Variants in ADAMTS17 observed in about 807,000 individuals in gnomAD.
ADAMTS17 encodes A disintegrin and metalloproteinase with thrombospondin motifs 17.
Under a neutral mutation model 141.5 loss-of-function variants are expected in ADAMTS17, and 113 were observed. The observed-to-expected ratio is 0.80, with a 90% CI of 0.69 to 0.93. The LOEUF is 0.93. Among genes scored for constraint, ADAMTS17 ranks in the 40% least tolerant of loss-of-function variants. ADAMTS17 has a pLI of 0.00. For synonymous variants in ADAMTS17, 768 were observed against 630.6 expected (o/e 1.22, Z -3.27); for missense variants, 1,659 against 1,517.9 (o/e 1.09, Z -1.54).
At chr15:100,187,956 C>A (rs117935677) in intron 8 of ADAMTS17, among the ~76,000 whole-genome samples, 1 of 152,138 alleles carries the variant, frequency 6.6e-6, no homozygotes, top group African/African-American at 2.4e-5. Context: ...GGATGGTGTG[C>A]GACTGTAGTC....
intron 18 of ADAMTS17, among the ~76,000 whole-genome samples, chr15:100,032,198 G>A (rs1270770696): frequency 1.3e-5 from 2 of 151,986 alleles, no homozygotes; most frequent in East Asian, 1.9e-4. Flanking sequence ...CTGGTTACTT[G>A]GGGTCTGACT....
chr15:100,066,249 A>C (rs1302219134), intron 15 of ADAMTS17, among the ~76,000 whole-genome samples: 1 of 152,116 alleles, frequency 6.6e-6, no homozygotes, highest in Admixed American at 6.5e-5. Context: ...AAGAGGTATT[A>C]AAGTTAATAA....
At chr15:100,058,722 G>A (rs2032861264) in intron 15 of ADAMTS17, among the ~76,000 whole-genome samples, 1 of 152,216 alleles carries the variant, frequency 6.6e-6, no homozygotes, top group Admixed American at 6.5e-5. Flanking sequence ...GGGCCCTGGA[G>A]CCTGCCATCC....
At position 100,083,591 on chromosome 15, in the gene ADAMTS17, A is replaced by C. The variant is rs371908760; in HGVS notation, c.2137+12765T>G. On this transcript the variant is annotated intron_variant, in intron 15 of 21. Transcript: ENST00000268070. ...CAGTGTCCTTCAGCCTTGACAGCAA[A>C]TGCCTTGGCATTGTTACCACAGACC... 1.2e-4 allele frequency among the ~76,000 whole-genome samples: 18 copies of C among 152,162 alleles called. 1 individual carries two copies. Among genetic ancestry groups the C allele is most frequent in the Admixed American group, 9.2e-4 (14 of 15,280 alleles).
chr15:99,992,966 G>A, intron 20 of ADAMTS17, 82 bp downstream of exon 20: 1 of 1,570,316 alleles, frequency 6.4e-7, no homozygotes, highest in Non-Finnish European at 8.7e-7. Context: ...GTAGAATTGG[G>A]ACCCGTCACA....
chr15:100,194,942 C>T (rs1464740733), intron 8 of ADAMTS17, among the ~76,000 whole-genome samples: 2 of 152,184 alleles, frequency 1.3e-5, no homozygotes, highest in East Asian at 3.9e-4. Flanking sequence ...TGGAGAAAGG[C>T]AAAAGGAGAC....
chr15:100,292,582 CACTAACCCCGTGTGAAATTATGAGAGAT>C (rs2044683445), intron 3 of ADAMTS17, among the ~76,000 whole-genome samples: 2 of 152,002 alleles, frequency 1.3e-5, no homozygotes, highest in Non-Finnish European at 2.9e-5. Context: ...TTATGAGAGA[CACTAACCCCGTGTGAAATTATGAGAGAT>C]ACTAACCCCA....
At chr15:100,166,993 T>C (rs1359120807) in intron 8 of ADAMTS17, among the ~76,000 whole-genome samples, 1 of 152,236 alleles carries the variant, frequency 6.6e-6, no homozygotes, top group Non-Finnish European at 1.5e-5. Flanking sequence ...TAAAACTTTC[T>C]GCGATGACGG....
chr15:100,174,133 TTGA>T (rs748185569), intron 8 of ADAMTS17, among the ~76,000 whole-genome samples: 18 of 152,186 alleles, frequency 1.2e-4, no homozygotes, highest in Non-Finnish European at 2.4e-4. Flanking sequence ...AGAAGCCGAG[TTGA>T]TAACCAATGG....
intron 4 of ADAMTS17, among the ~76,000 whole-genome samples, chr15:100,278,344 C>A (rs1456909699): frequency 4.0e-5 from 6 of 148,630 alleles, no homozygotes; most frequent in South Asian, 2.1e-4. Context: ...AAAAAAAAAA[C>A]CCAGAAAAAG....
rs1251152445 is a variant in ADAMTS17, at chr15:99,993,263, T to A, written c.2797-63A>T. 3.1e-6 allele frequency: 5 copies of A among 1,604,572 alleles called. No individual in the cohort carries two copies. Among genetic ancestry groups the A allele is most frequent in the African/African-American group, 2.7e-5 (2 of 74,766 alleles). On this transcript the variant is annotated intron_variant, in intron 19 of 21. Transcript: ENST00000268070. The surrounding 1 kb of genome is among the most constrained non-coding windows in gnomAD (Gnocchi z 4.3). ...TTCGATTCAAGTCCATCAACAGCTA[T>A]TAACTCCCTCCAATGTGCCAGGTGC...
intron 20 of ADAMTS17, chr15:99,979,097 A>G (rs1337471904): frequency 1.3e-5 from 2 of 152,278 alleles, no homozygotes; most frequent in Non-Finnish European, 2.9e-5. Context: ...TTCAGTCAAA[A>G]TTCTTTTTAG....
intron 15 of ADAMTS17, among the ~76,000 whole-genome samples, chr15:100,070,953 A>G (rs2033926192): frequency 6.7e-6 from 1 of 150,302 alleles, no homozygotes; most frequent in African/African-American, 2.5e-5. Context: ...TGAATCCAGG[A>G]GATGGATTTT....
chr15:100,061,852 G>T (rs1234623314), intron 15 of ADAMTS17, among the ~76,000 whole-genome samples: 1 of 152,192 alleles, frequency 6.6e-6, no homozygotes, highest in African/African-American at 2.4e-5. Context: ...AGGATGAAAG[G>T]TAACATCAGC....
At chr15:100,316,628 G>A (rs907485167) in intron 3 of ADAMTS17, among the ~76,000 whole-genome samples, 1 of 152,128 alleles carries the variant, frequency 6.6e-6, no homozygotes, top group African/African-American at 2.4e-5. Context: ...CTCATCCCAG[G>A]CTTGGCTTTT....
chr15:100,286,626 CA>C, intron 3 of ADAMTS17, among the ~76,000 whole-genome samples: 1 of 152,028 alleles, frequency 6.6e-6, no homozygotes. Flanking sequence ...CACCTTATAC[CA>C]CAATCAAATG....
Position 99,974,239 on chromosome 15 carries a change from A to T in ADAMTS17, c.*163T>A. On this transcript the variant is annotated 3_prime_UTR_variant, in exon 22 of 22. Coordinates refer to ENST00000268070, the MANE Select transcript of ADAMTS17 (RefSeq NM_139057.4). ...AGCCAGTGGCTGTTAACAATATATT[A>T]AGTACGGAAGCACTAATGGCAAACG... 1.2e-6 allele frequency: 1 copy of T among 817,700 alleles called. No homozygotes were observed. The highest frequency in any genetic ancestry group is 2.0e-6 in the Non-Finnish European group (1 of 505,916). 50.7% of individuals were successfully genotyped at this position (817,700 alleles called of 1,614,324 possible).
chr15:100,247,388 A>G (rs1301835729), intron 7 of ADAMTS17, among the ~76,000 whole-genome samples: 1 of 152,222 alleles, frequency 6.6e-6, no homozygotes, highest in Non-Finnish European at 1.5e-5. Flanking sequence ...CCAGCAAAGA[A>G]CACTTTTGAC....
At chr15:100,174,498 CA>C (rs1445849310) in intron 8 of ADAMTS17, among the ~76,000 whole-genome samples, 1 of 152,188 alleles carries the variant, frequency 6.6e-6, no homozygotes, top group Non-Finnish European at 1.5e-5. Context: ...AATTTCCATG[CA>C]GTTTCATCTT....
Sources: allele counts gnomAD v4.1 joint callset (sites outside exome capture counted in the v4.1 genomes callset), GRCh38; gene constraint gnomAD v4.1.1; non-coding constraint Gnocchi (gnomAD v3.1); transcripts MANE v1.5; gene names NCBI Gene and HGNC (gene_info 2026-07-23, HGNC 2026-07-21).